The following NFIB variants were observed in gnomAD, a reference collection of about 807,000 sequenced individuals.
The protein encoded by NFIB is nuclear factor 1 B-type.
A neutral mutation model predicts 61.5 loss-of-function variants in NFIB; 11 were observed. The ratio of observed to expected loss-of-function variants is 0.18; its 90% CI spans 0.11 to 0.30. NFIB has a LOEUF of 0.30. NFIB is among the 10% of genes least tolerant of loss of function. The pLI is 1.00. For missense variants in NFIB, 471 were observed against 608.9 expected (o/e 0.77, Z 2.38); for synonymous variants, 260 against 216.5 (o/e 1.20, Z -1.76).
chr9:14,218,873 A>ATT (rs1163802925), intron 2 of NFIB, among the ~76,000 whole-genome samples: 1 of 152,182 alleles, frequency 6.6e-6, no homozygotes. Flanking sequence ...ATCAAAAGAC[A>ATT]TTTATTAAGT....
the NFIB span, among the ~76,000 whole-genome samples, chr9:14,490,466 T>C: frequency 3.3e-5 from 5 of 152,192 alleles, no homozygotes; most frequent in African/African-American, 7.2e-5. Context: ...TTAATACATT[T>C]GATTATGTTA....
At chr9:14,370,748 G>C (rs1564036427) in intron 1 of NFIB, among the ~76,000 whole-genome samples, 1 of 152,186 alleles carries the variant, frequency 6.6e-6, no homozygotes, top group Non-Finnish European at 1.5e-5. Context: ...CTTTGCCATA[G>C]GGCTTTTTTG....
chr9:14,309,505 A>C (rs62532788), intron 1 of NFIB, among the ~76,000 whole-genome samples: 5,422 of 152,260 alleles, frequency 0.036, 151 homozygotes, highest in Non-Finnish European at 0.054. Flanking sequence ...AAATCATTAA[A>C]CCGATCAGTA....
At chr9:14,316,276 T>C (rs1323884283), upstream of NFIB, among the ~76,000 whole-genome samples, 1 of 152,200 alleles carries the variant, frequency 6.6e-6, no homozygotes, top group Non-Finnish European at 1.5e-5. Context: ...GCGCTCTTAA[T>C]GAGGCGAGCT....
intron 3 of NFIB, among the ~76,000 whole-genome samples, chr9:14,170,281 T>A (rs1381390596): frequency 6.6e-6 from 1 of 152,170 alleles, no homozygotes; most frequent in African/African-American, 2.4e-5. Context: ...CAAAAGCAGA[T>A]CTTGTAAATA....
chr9:14,500,821 A>G, the NFIB span, among the ~76,000 whole-genome samples: 6 of 152,230 alleles, frequency 3.9e-5, no homozygotes, highest in East Asian at 9.7e-4. Flanking sequence ...CCCACAGCGA[A>G]TCTACATGGT....
intron 6 of NFIB, among the ~76,000 whole-genome samples, chr9:14,127,605 C>T (rs972492537): frequency 6.6e-6 from 1 of 152,074 alleles, no homozygotes; most frequent in Non-Finnish European, 1.5e-5. Flanking sequence ...ATCACACATA[C>T]AAAATGTACA....
intron 6 of NFIB, among the ~76,000 whole-genome samples, chr9:14,136,944 C>G (rs889049017): frequency 3.3e-5 from 5 of 151,846 alleles, no homozygotes; most frequent in African/African-American, 1.2e-4. Flanking sequence ...TTTTCTCCAA[C>G]AAATGTAAAT....
chr9:14,314,172 GC>G, upstream of NFIB: 3 of 868,082 alleles, frequency 3.5e-6, no homozygotes, highest in Non-Finnish European at 4.1e-6. Context: ...GCGGGAGAGG[GC>G]CGGGGTGGGG....
chr9:14,202,172 A>G (rs1384011939), intron 2 of NFIB, among the ~76,000 whole-genome samples: 2 of 151,864 alleles, frequency 1.3e-5, no homozygotes, highest in Non-Finnish European at 2.9e-5. Context: ...ACAAAGATTT[A>G]GCAGTGGGAC....
At chr9:14,304,369 T>C (rs1438089691) in intron 2 of NFIB, among the ~76,000 whole-genome samples, 2 of 152,252 alleles carry the variant, frequency 1.3e-5, no homozygotes, top group Non-Finnish European at 2.9e-5. Flanking sequence ...TGTGATCTTG[T>C]ATAAATAACC....
At chr9:14,417,587 C>G in the NFIB span, among the ~76,000 whole-genome samples, 1 of 152,108 alleles carries the variant, frequency 6.6e-6, no homozygotes, top group African/African-American at 2.4e-5. Context: ...ACCTCAAAAA[C>G]AAATATTTAT....
At chr9:14,223,511 T>G (rs887522679) in intron 2 of NFIB, among the ~76,000 whole-genome samples, 1 of 152,230 alleles carries the variant, frequency 6.6e-6, no homozygotes, top group East Asian at 1.9e-4. Context: ...TTAGGGCATT[T>G]GTCTATAAAA....
the NFIB span, among the ~76,000 whole-genome samples, chr9:14,522,519 C>T: frequency 4.6e-5 from 7 of 152,142 alleles, no homozygotes; most frequent in African/African-American, 1.4e-4. Context: ...TATTGTATCA[C>T]ATAGGATTCC....
At chr9:14,181,146 A>G (rs546083049) in intron 2 of NFIB, among the ~76,000 whole-genome samples, 1 of 152,322 alleles carries the variant, frequency 6.6e-6, no homozygotes, top group East Asian at 1.9e-4. Flanking sequence ...CTTCTCATAT[A>G]AAACCTGGTT....
At chr9:14,300,047 C>T (rs1284439061) in intron 2 of NFIB, 2 of 395,628 alleles carry the variant, frequency 5.1e-6, no homozygotes, top group African/African-American at 4.1e-5. Context: ...CTACAACGCA[C>T]TTAGTTTTCA....
At chr9:14,195,373 A>AT (rs1374095024) in intron 2 of NFIB, among the ~76,000 whole-genome samples, 1 of 152,180 alleles carries the variant, frequency 6.6e-6, no homozygotes, top group Non-Finnish European at 1.5e-5. Context: ...AAAATATTGT[A>AT]TTTTTTAGAA....
chr9:14,464,084 G>C, the NFIB span, among the ~76,000 whole-genome samples: 30 of 152,250 alleles, frequency 2.0e-4, 1 homozygote, highest in Admixed American at 1.2e-3. Context: ...CAGCCCTACC[G>C]CTAGTGACTG....
chr9:14,348,564 A>G (rs877569), intron 1 of NFIB, among the ~76,000 whole-genome samples: 19,578 of 152,262 alleles, frequency 0.13, 1,878 homozygotes, highest in African/African-American at 0.28. Context: ...CAGGCGGCCC[A>G]GCCTTTGATA....
Sources: allele counts gnomAD v4.1 joint callset (sites outside exome capture counted in the v4.1 genomes callset), GRCh38; gene constraint gnomAD v4.1.1; transcripts MANE v1.5; gene names NCBI Gene and HGNC (gene_info 2026-07-23, HGNC 2026-07-21).